The following ST8SIA6 variants were observed in gnomAD, a reference collection of about 807,000 sequenced individuals.
The protein encoded by ST8SIA6 is ST8 alpha-N-acetyl-neuraminide alpha-2,8-sialyltransferase 6.
Under a neutral mutation model 33.6 loss-of-function variants are expected in ST8SIA6, and 39 were observed. The ratio of observed to expected loss-of-function variants is 1.16; its 90% CI spans 0.90 to 1.52. The LOEUF is 1.52. Among genes scored for constraint, ST8SIA6 ranks in the 40% most tolerant of loss-of-function variants. The pLI, the probability that ST8SIA6 is intolerant of heterozygous loss-of-function variation, is 0.00. For missense variants in ST8SIA6, 441 were observed against 443.8 expected (o/e 0.99, Z 0.06); for synonymous variants, 172 against 167.2 (o/e 1.03, Z -0.22).
At chr10:17,425,738 GGGAA>G (rs1392371586) in intron 2 of ST8SIA6, among the ~76,000 whole-genome samples, 2 of 144,604 alleles carry the variant, frequency 1.4e-5, no homozygotes, top group Non-Finnish European at 1.5e-5. Flanking sequence ...GAGGAAGGAA[GGGAA>G]GGAAGGAAGG....
At chr10:17,379,381 C>G (rs550144102) in intron 3 of ST8SIA6, among the ~76,000 whole-genome samples, 4 of 152,210 alleles carry the variant, frequency 2.6e-5, no homozygotes, top group African/African-American at 9.6e-5. Flanking sequence ...CGTGATGCAG[C>G]ACTTCTTTCA....
intron 3 of ST8SIA6, among the ~76,000 whole-genome samples, chr10:17,361,786 T>C (rs1849400346): frequency 6.6e-6 from 1 of 150,884 alleles, no homozygotes; most frequent in Non-Finnish European, 1.5e-5. Context: ...CAAAATATTA[T>C]TGAATTGAAT....
Position 17,404,787 on chromosome 10 carries a change from C to T in ST8SIA6, c.201-14167G>A, listed in dbSNP as rs537556494. ...CCAATCTCTCTTTCCTACTGCAAACCTCATTGCAGTAGTCTCTACACCTAC... is the reference window on the plus strand; with the variant it reads ...CCAATCTCTCTTTCCTACTGCAAACTTCATTGCAGTAGTCTCTACACCTAC... On this transcript the variant is annotated intron_variant, in intron 2 of 7. Coordinates refer to ENST00000377602, the MANE Select transcript of ST8SIA6 (RefSeq NM_001004470.3). Among the ~76,000 whole-genome samples, 9 of 152,308 alleles carry T rather than the reference C, an allele frequency of 5.9e-5. No individual in the cohort carries two copies. The South Asian group carries it at 1.0e-3, about 18-fold the overall frequency.
At chr10:17,349,332 C>T (rs1029261334) in intron 4 of ST8SIA6, among the ~76,000 whole-genome samples, 1 of 152,162 alleles carries the variant, frequency 6.6e-6, no homozygotes, top group Non-Finnish European at 1.5e-5. Flanking sequence ...CATTATTGCT[C>T]CATCACAGAC....
At chr10:17,413,965 TTATTCTAG>T (rs1345416721) in intron 2 of ST8SIA6, among the ~76,000 whole-genome samples, 1 of 152,232 alleles carries the variant, frequency 6.6e-6, no homozygotes, top group Non-Finnish European at 1.5e-5. Context: ...TCCAGCTCAC[TTATTCTAG>T]TATTCTCTCT....
At chr10:17,330,999 T>C (rs372476676) in intron 5 of ST8SIA6, among the ~76,000 whole-genome samples, 1 of 152,346 alleles carries the variant, frequency 6.6e-6, no homozygotes. Context: ...AATTCTTACA[T>C]ATTTACTTCC....
At chr10:17,379,209 ATAG>A (rs1034697205) in intron 3 of ST8SIA6, among the ~76,000 whole-genome samples, 1 of 151,878 alleles carries the variant, frequency 6.6e-6, no homozygotes, top group African/African-American at 2.4e-5. Context: ...TACAGGTACA[ATAG>A]TAGGGGACTA....
intron 4 of ST8SIA6, among the ~76,000 whole-genome samples, chr10:17,349,233 C>G (rs1278939571): frequency 1.3e-5 from 2 of 152,082 alleles, no homozygotes; most frequent in Admixed American, 1.3e-4. Context: ...GTGGTATAAT[C>G]CATATGAAAT....
At chr10:17,400,419 C>G (rs1222783671) in intron 2 of ST8SIA6, among the ~76,000 whole-genome samples, 1 of 152,162 alleles carries the variant, frequency 6.6e-6, no homozygotes, top group Non-Finnish European at 1.5e-5. Flanking sequence ...GTAATCACAG[C>G]TACTTGGGAG....
chr10:17,453,806 T>C (rs1185906828), intron 1 of ST8SIA6, 149 bp from the exon 2 acceptor site: 1 of 536,790 alleles, frequency 1.9e-6, no homozygotes, highest in Admixed American at 4.4e-5. Flanking sequence ...GGAAGAGCCT[T>C]AGGGCGGGAA....
chr10:17,452,001 C>A (rs1318556590), intron 2 of ST8SIA6, among the ~76,000 whole-genome samples: 10 of 152,152 alleles, frequency 6.6e-5, no homozygotes, highest in Non-Finnish European at 1.5e-4. Context: ...CTAAAAACGA[C>A]CTGAGATCAA....
chr10:17,377,664 G>A lies in ST8SIA6; in HGVS notation c.290+12867C>T, dbSNP rs182177696. On this transcript the variant is annotated intron_variant, in intron 3 of 7. Transcript: ENST00000377602. ...AATTTTCATTTATTCAAAAAATATA[G>A]TTAAGACTAGGGGAGAAAAAGAGCA... Among the ~76,000 whole-genome samples the A allele has an allele frequency of 2.6e-5, 4 of 152,202 alleles. No individual in the cohort carries two copies. The East Asian group carries it at 5.8e-4, about 22-fold the overall frequency.
chr10:17,372,599 G>A (rs1045310266), intron 3 of ST8SIA6, among the ~76,000 whole-genome samples: 1 of 151,990 alleles, frequency 6.6e-6, no homozygotes, highest in Non-Finnish European at 1.5e-5. Context: ...GCAGAGAGTC[G>A]GCCCACAGAA....
At chr10:17,429,562 A>T (rs1852038177) in intron 2 of ST8SIA6, among the ~76,000 whole-genome samples, 1 of 151,466 alleles carries the variant, frequency 6.6e-6, no homozygotes, top group Non-Finnish European at 1.5e-5. Context: ...TGAAATCTTC[A>T]ACTCCCACCT....
intron 4 of ST8SIA6, among the ~76,000 whole-genome samples, chr10:17,335,774 C>T (rs1013927237): frequency 2.0e-5 from 3 of 152,046 alleles, no homozygotes; most frequent in East Asian, 1.9e-4. Context: ...AATTCTTATG[C>T]GTATATAATT....
chr10:17,332,004 A>G (rs934470883), intron 4 of ST8SIA6, among the ~76,000 whole-genome samples: 2 of 151,998 alleles, frequency 1.3e-5, no homozygotes, highest in African/African-American at 4.8e-5. Flanking sequence ...ATGTGTTCTC[A>G]TTGTTCAACT....
chr10:17,434,560 T>A (rs1564462983), intron 2 of ST8SIA6, among the ~76,000 whole-genome samples: 1 of 152,182 alleles, frequency 6.6e-6, no homozygotes, highest in Non-Finnish European at 1.5e-5. Context: ...TGGGATAGAA[T>A]CTTTGGATAT....
At position 17,316,609 on chromosome 10, in the gene ST8SIA6, A is replaced by G. The variant is rs1023114672; in HGVS notation, c.*4269T>C. Among the ~76,000 whole-genome samples, 7 of 152,128 alleles carry G rather than the reference A, an allele frequency of 4.6e-5. No homozygotes were observed. The highest frequency in any genetic ancestry group is 1.0e-4 in the Non-Finnish European group (7 of 67,958). On this transcript the variant is annotated 3_prime_UTR_variant, in exon 8 of 8. Coordinates refer to ENST00000377602, the MANE Select transcript of ST8SIA6 (RefSeq NM_001004470.3). Reference sequence around the variant, plus strand: ...CTAGGTTGCTTTCCAAAATGATTCAATCAGCTTATACTTCCACACTTGAAG... The same window carrying G: ...CTAGGTTGCTTTCCAAAATGATTCAGTCAGCTTATACTTCCACACTTGAAG...
intron 3 of ST8SIA6, among the ~76,000 whole-genome samples, chr10:17,382,555 C>T (rs1409251296): frequency 6.6e-6 from 1 of 152,184 alleles, no homozygotes; most frequent in Non-Finnish European, 1.5e-5. Context: ...CGTGAGCCAC[C>T]GCACCTGGCC....
Sources: gnomAD v4.1 joint callset for allele counts (sites outside exome capture counted in the v4.1 genomes callset) on GRCh38, gnomAD v4.1.1 for gene constraint, MANE v1.5 for transcripts, NCBI Gene and HGNC (gene_info 2026-07-23, HGNC 2026-07-21) for gene names.